TFAP2B: variants seen among roughly 807,000 people sequenced by gnomAD.
The protein encoded by TFAP2B is transcription factor AP-2-beta.
A neutral mutation model predicts 44.3 loss-of-function variants in TFAP2B; 9 were observed. That is an observed-to-expected ratio of 0.20 (90% CI 0.12 to 0.35). The LOEUF (loss-of-function observed/expected upper bound fraction) is 0.35. TFAP2B is among the 10% of genes least tolerant of loss of function. The pLI is 1.00. For synonymous variants in TFAP2B, 270 were observed against 263.8 expected (o/e 1.02, Z -0.23); for missense variants, 509 against 600.0 (o/e 0.85, Z 1.59).
rs1433835951 is a variant in TFAP2B, at chr6:50,843,316, C to A, written c.1307C>A (p.Thr436Asn). Residue 436 changes from threonine to asparagine, a missense_variant, in exon 7 of 7, where the codon ACC (threonine) becomes AAC (asparagine). This residue lies in a region of TFAP2B where 168 missense variants were observed against 183.2 expected (regional missense o/e 0.92). Coordinates refer to ENST00000393655, the MANE Select transcript of TFAP2B (RefSeq NM_003221.4). Reference sequence around the variant, plus strand: ...ATGGACAAGATGTTCTTGAACAACACCACCACTAACAGGCACACGTCTGGG... The same window carrying A: ...ATGGACAAGATGTTCTTGAACAACAACACCACTAACAGGCACACGTCTGGG... ...KGMDKMFLNN[T>N]TTNRHTSGEG... 3 of 1,614,118 alleles carry A rather than the reference C, an allele frequency of 1.9e-6. No individual in the cohort carries two copies. The South Asian group carries it at 3.3e-5, about 18-fold the overall frequency.
At chr6:50,827,943 G>C (rs923126060) in intron 2 of TFAP2B, among the ~76,000 whole-genome samples, 14 of 152,192 alleles carry the variant, frequency 9.2e-5, no homozygotes, top group African/African-American at 3.4e-4. Flanking sequence ...GTGTCTGCTT[G>C]TCTGTAGTTA....
chr6:50,840,353 ACTTTGGAG>A (rs1375936096), intron 6 of TFAP2B, 56 bp downstream of exon 6: 2 of 1,603,060 alleles, frequency 1.2e-6, no homozygotes, highest in Admixed American at 3.3e-5. Flanking sequence ...AGGCCACCCG[ACTTTGGAG>A]TAGGTGGTGG....
rs893643254 is a variant in TFAP2B at position 50,844,143 on chromosome 6, G to C, written c.*751G>C. ...CCGGCCGGCAGAGCAGGTTCTGGCG[G>C]CTGAGGAAAATCCGGACCAATAAGT... On this transcript the variant is annotated 3_prime_UTR_variant, in exon 7 of 7. Coordinates refer to ENST00000393655, the MANE Select transcript of TFAP2B (RefSeq NM_003221.4). 6.6e-6 allele frequency: 1 copy of C among 152,226 alleles called. No individual in the cohort carries two copies. Among genetic ancestry groups the C allele is most frequent in the African/African-American group, 2.4e-5 (1 of 41,458 alleles). 9.4% of individuals were successfully genotyped at this position (152,226 alleles called of 1,614,324 possible).
Position 50,844,058 on chromosome 6 carries a change from G to A in TFAP2B, c.*666G>A, listed in dbSNP as rs935693220. 8 of 152,410 alleles carry A rather than the reference G, an allele frequency of 5.2e-5. No homozygotes were observed. Among genetic ancestry groups the A allele is most frequent in the Non-Finnish European group, 1.0e-4 (7 of 68,220 alleles). 9.4% of individuals were successfully genotyped at this position (152,410 alleles called of 1,614,324 possible). On this transcript the variant is annotated 3_prime_UTR_variant, in exon 7 of 7. Transcript: ENST00000393655. ...GCTCCCCGGCCGCTTGCATAATTAG[G>A]GAGGGCGAGGGCGGGGCGGGAGGCC...
chr6:50,842,743 G>A (rs1025112817), intron 6 of TFAP2B, among the ~76,000 whole-genome samples: 8 of 152,186 alleles, frequency 5.3e-5, no homozygotes, highest in Non-Finnish European at 7.3e-5. Flanking sequence ...CAAAAGAAAT[G>A]CCAGGTAAGA....
In TFAP2B at chr6:50,842,784, T is replaced by C. The variant is rs1569778; in HGVS notation, c.1083-308T>C. Among the ~76,000 whole-genome samples, 137,741 of 152,236 alleles carry C rather than the reference T, an allele frequency of 0.9. 62,516 individuals carry two copies. Among genetic ancestry groups the C allele is most frequent in the East Asian group, 1 (5,154 of 5,160 alleles). On this transcript the variant is annotated intron_variant, in intron 6 of 6. Coordinates refer to ENST00000393655, the MANE Select transcript of TFAP2B (RefSeq NM_003221.4). ...ATATTATGAAGTATTAAAAATCAAC[T>C]GCTAAAGCCTAGCGAATGTCCCAAA...
rs1762846761 is a variant in TFAP2B, at chr6:50,846,208, G to C, written c.*2816G>C. ...TAGAACCTTTTGCGCCCCCAACCCCGTTTCGTGGAGTGAGCCCACTACCCC... is the reference window on the plus strand; with the variant it reads ...TAGAACCTTTTGCGCCCCCAACCCCCTTTCGTGGAGTGAGCCCACTACCCC... On this transcript the variant is annotated 3_prime_UTR_variant, in exon 7 of 7. Transcript: ENST00000393655. The C allele has an allele frequency of 6.6e-6, 1 of 151,900 alleles. No homozygotes were observed. Among genetic ancestry groups the C allele is most frequent in the Non-Finnish European group, 1.5e-5 (1 of 67,920 alleles). 9.4% of individuals were successfully genotyped at this position (151,900 alleles called of 1,614,324 possible). A position where few individuals can be genotyped will look rare whatever the true frequency, so the allele number is the denominator to read the frequency against.
intron 3 of TFAP2B, among the ~76,000 whole-genome samples, chr6:50,830,718 A>G (rs1414476567): frequency 6.6e-6 from 1 of 152,216 alleles, no homozygotes; most frequent in African/African-American, 2.4e-5. Flanking sequence ...AAATAAGAAT[A>G]CGAGGTTGAT....
intron 3 of TFAP2B, among the ~76,000 whole-genome samples, chr6:50,832,844 T>A (rs1164359600): frequency 6.6e-6 from 1 of 152,252 alleles, no homozygotes; most frequent in East Asian, 1.9e-4. Context: ...TTTTCTCTAA[T>A]CATTTTTCTT....
At chr6:50,834,003 T>C (rs1026250125) in intron 3 of TFAP2B, among the ~76,000 whole-genome samples, 19 of 152,228 alleles carry the variant, frequency 1.2e-4, no homozygotes, top group African/African-American at 4.1e-4. Context: ...GGGCCATCTA[T>C]ATTTTGGAAA....
intron 2 of TFAP2B, among the ~76,000 whole-genome samples, chr6:50,827,973 G>T (rs1770574205): frequency 6.6e-6 from 1 of 152,154 alleles, no homozygotes; most frequent in Non-Finnish European, 1.5e-5. Context: ...TAACAGGTGT[G>T]CTCCTTGCTG....
rs1762840292 is a variant in TFAP2B, at chr6:50,845,945, G to A, written c.*2553G>A. 6.5e-6 allele frequency: 1 copy of A among 152,680 alleles called. No homozygotes were observed. Among genetic ancestry groups the A allele is most frequent in the Non-Finnish European group, 1.5e-5 (1 of 68,122 alleles). The allele number at this position is 152,680 out of a possible 1,614,324, so 9.5% of individuals were successfully genotyped here. A position where few individuals can be genotyped will look rare whatever the true frequency, so the allele number is the denominator to read the frequency against. On this transcript the variant is annotated 3_prime_UTR_variant, in exon 7 of 7. Transcript: ENST00000393655. ...GGGCGGCGCCCGGTGGGCTGCAGGT[G>A]GGGAGGGCTCCCAGCGCCGCCAGCG...
In TFAP2B at chr6:50,843,212, C is replaced by G; in HGVS notation, c.1203C>G (p.Ile401Met). The G allele has an allele frequency of 6.2e-7, 1 of 1,614,220 alleles. No homozygotes were observed. The highest frequency in any genetic ancestry group is 8.5e-7 in the Non-Finnish European group (1 of 1,180,036). Residue 401 changes from isoleucine to methionine, a missense_variant, in exon 7 of 7, where the codon ATC becomes ATG. Physicochemically the swap from Ile to Met is conservative, Grantham distance 10 (BLOSUM62 1). Around this residue, in one of 3 missense-constraint regions of TFAP2B, gnomAD observed 168 missense variants for 183.2 expected, o/e 0.92. Coordinates refer to ENST00000393655, the MANE Select transcript of TFAP2B (RefSeq NM_003221.4). ...GCTGCCTCACGCACTTCAGCCTCAT[C>G]ACGCACGGCTTCGGCGCCCCGGCCA... The part of the protein sequence containing the change: ...IQSCLTHFSL[I>M]THGFGAPAIC...
In TFAP2B at chr6:50,847,496, G is replaced by A. The variant is rs1017162474; in HGVS notation, c.*4104G>A. The A allele has an allele frequency of 1.3e-5, 2 of 152,766 alleles. No homozygotes were observed. The highest frequency in any genetic ancestry group is 2.9e-5 in the Non-Finnish European group (2 of 68,040). 9.5% of individuals were successfully genotyped at this position (152,766 alleles called of 1,614,324 possible). A position where few individuals can be genotyped will look rare whatever the true frequency, so the allele number is the denominator to read the frequency against. Reference sequence around the variant, plus strand: ...TTAAAAAACCTCTTGACCCTAGATAGAATCCTATCTGAATTTTTCTGTTCT... The same window carrying A: ...TTAAAAAACCTCTTGACCCTAGATAAAATCCTATCTGAATTTTTCTGTTCT... On this transcript the variant is annotated 3_prime_UTR_variant, in exon 7 of 7. Transcript: ENST00000393655.
In TFAP2B at chr6:50,847,231, CCTT is replaced by C. The variant is rs1283707981; in HGVS notation, c.*3843_*3845del. 1 of 152,526 alleles carries C rather than the reference CCTT, an allele frequency of 6.6e-6. No individual in the cohort carries two copies. The highest frequency in any genetic ancestry group is 6.5e-5 in the Admixed American group (1 of 15,268). 9.4% of individuals were successfully genotyped at this position (152,526 alleles called of 1,614,324 possible). On this transcript the variant is annotated 3_prime_UTR_variant, in exon 7 of 7. Transcript: ENST00000393655. ...TTTTTTTTAACGGAATGAACACTAT[CCTT>C]CTTTAAATGCCAAAATCGACTCCAC...
chr6:50,827,374 G>A lies in TFAP2B; in HGVS notation c.541-1245G>A, dbSNP rs181988294. ...TTGCAGCAAGGATAACAATTCCTAT[G>A]GAGAATAACAATTTTGCTCACTTTT... On this transcript the variant is annotated intron_variant, in intron 2 of 6. Coordinates refer to ENST00000393655, the MANE Select transcript of TFAP2B (RefSeq NM_003221.4). 2.6e-5 allele frequency among the ~76,000 whole-genome samples: 4 copies of A among 152,268 alleles called. No homozygotes were observed. The East Asian group carries it at 7.7e-4, about 29-fold the overall frequency.
intron 1 of TFAP2B, among the ~76,000 whole-genome samples, chr6:50,823,074 C>T (rs190703293): frequency 2.6e-4 from 40 of 152,304 alleles, no homozygotes; most frequent in African/African-American, 8.9e-4. Flanking sequence ...TCCCTCCATA[C>T]ACACTGTTCC....
chr6:50,841,363 C>A lies in TFAP2B; in HGVS notation c.1082+1066C>A, dbSNP rs141691768. Among the ~76,000 whole-genome samples, 434 of 152,228 alleles carry A rather than the reference C, an allele frequency of 2.9e-3. 3 individuals carry two copies. The highest frequency in any genetic ancestry group is 0.01 in the African/African-American group (422 of 41,536). ...GGTTTTCATCTGCTGTATCAACCAG[C>A]AGTAAAATAGGTATTTGTCAGTAGA... On this transcript the variant is annotated intron_variant, in intron 6 of 6. Transcript: ENST00000393655.
chr6:50,829,948 A>ATCTCTC (rs60307026), intron 3 of TFAP2B, among the ~76,000 whole-genome samples: 2 of 149,940 alleles, frequency 1.3e-5, no homozygotes, highest in Admixed American at 6.7e-5. Context: ...TGCTTCAAAC[A>ATCTCTC]TCTCTCTCTC....
Sources: allele counts gnomAD v4.1 joint callset (sites outside exome capture counted in the v4.1 genomes callset), GRCh38; gene constraint gnomAD v4.1.1; regional missense constraint gnomAD v4.1.1; transcripts MANE v1.5; gene names NCBI Gene and HGNC (gene_info 2026-07-23, HGNC 2026-07-21).